The following FAM13B variants were observed in gnomAD, a reference collection of about 807,000 sequenced individuals.
The protein encoded by FAM13B is protein FAM13B.
In FAM13B, 60 loss-of-function variants were observed where a neutral mutation model predicts 117.3. That is an observed-to-expected ratio of 0.51 (90% CI 0.42 to 0.63). FAM13B has a LOEUF of 0.63. Ranked by LOEUF, FAM13B falls within the 30% of genes least tolerant of loss-of-function variation. The probability of loss-of-function intolerance (pLI) is 0.00; values close to 1 mark genes in which losing one functional copy is unlikely to be tolerated. For synonymous variants in FAM13B, 332 were observed against 356.1 expected (o/e 0.93, Z 0.76); for missense variants, 972 against 1,091.9 (o/e 0.89, Z 1.55).
chr5:137,971,297 A>G (rs976200720), intron 10 of FAM13B, among the ~76,000 whole-genome samples: 1 of 152,148 alleles, frequency 6.6e-6, no homozygotes, highest in African/African-American at 2.4e-5. Context: ...AGAACTCAGG[A>G]TTAAGAATCT....
intron 11 of FAM13B, 112 bp downstream of exon 11, chr5:137,962,293 T>C (rs1256581001): frequency 2.5e-6 from 2 of 806,738 alleles, no homozygotes; most frequent in Non-Finnish European, 4.0e-6. Context: ...CTGTTTAAGA[T>C]TATCTAAACT....
At chr5:137,946,938 TC>T (rs1763609414) in intron 18 of FAM13B, among the ~76,000 whole-genome samples, 1 of 152,194 alleles carries the variant, frequency 6.6e-6, no homozygotes, top group Non-Finnish European at 1.5e-5. Context: ...TACCTCCATT[TC>T]CCTTCATCTG....
chr5:137,953,533 G>T, intron 15 of FAM13B, 68 bp from the exon 16 acceptor site: 1 of 1,484,362 alleles, frequency 6.7e-7, no homozygotes, highest in Non-Finnish European at 9.3e-7. Context: ...TTATTGCCCT[G>T]ACATGGCACT....
rs565809696 is a variant in FAM13B, at chr5:137,990,235, C to T, written c.849-1920G>A. Among the ~76,000 whole-genome samples the T allele has an allele frequency of 2.6e-4, 40 of 152,094 alleles. 1 individual carries two copies. The highest frequency in any genetic ancestry group is 9.2e-4 in the African/African-American group (38 of 41,438). ...TAAACTTAGATAATTCCTTGCCTAT[C>T]GAGAAATATTCATTTTATTTTTAAT... On this transcript the variant is annotated intron_variant, in intron 7 of 23. Transcript: ENST00000689681.
intron 1 of FAM13B, among the ~76,000 whole-genome samples, chr5:138,040,318 C>A (rs1243710106): frequency 6.8e-6 from 1 of 146,706 alleles, no homozygotes; most frequent in East Asian, 2.0e-4. Context: ...GCCTGTAATC[C>A]CAGCACTTTG....
chr5:138,045,657 G>C (rs1791620327), intron 1 of FAM13B, among the ~76,000 whole-genome samples: 1 of 152,006 alleles, frequency 6.6e-6, no homozygotes, highest in East Asian at 1.9e-4. Flanking sequence ...CTTTTATAAA[G>C]TTCAAAATCA....
intron 10 of FAM13B, among the ~76,000 whole-genome samples, chr5:137,972,574 A>G (rs1772552525): frequency 6.6e-6 from 1 of 151,682 alleles, no homozygotes; most frequent in Non-Finnish European, 1.5e-5. Context: ...CTCTCTCACC[A>G]CTCCTATTCA....
At chr5:138,018,214 C>T (rs1785738665) in intron 4 of FAM13B, 88 bp downstream of exon 4, 1 of 1,064,132 alleles carries the variant, frequency 9.4e-7, no homozygotes, top group Non-Finnish European at 1.4e-6. Context: ...AAATACTATA[C>T]TTACTGTTTA....
intron 9 of FAM13B, among the ~76,000 whole-genome samples, chr5:137,986,341 TA>T (rs571344423): frequency 3.0e-4 from 44 of 147,208 alleles, no homozygotes; most frequent in Admixed American, 4.1e-4. Context: ...AAAACTGTCT[TA>T]AAAAAAAAAC....
Position 137,939,776 on chromosome 5 carries a change from C to T in FAM13B, c.*449G>A, listed in dbSNP as rs1761109270. ...AGTTGCGTATGTGCACTTTTATAGGCTTTTCTTTCAAATTTTCAGTCATTC... is the reference window on the plus strand; with the variant it reads ...AGTTGCGTATGTGCACTTTTATAGGTTTTTCTTTCAAATTTTCAGTCATTC... On this transcript the variant is annotated 3_prime_UTR_variant, in exon 24 of 24. Coordinates refer to ENST00000689681, the MANE Select transcript of FAM13B (RefSeq NM_001385994.1). 1.9e-5 allele frequency: 19 copies of T among 1,026,058 alleles called. No individual in the cohort carries two copies. Among genetic ancestry groups the T allele is most frequent in the East Asian group, 5.1e-5 (1 of 19,630 alleles). 63.6% of individuals were successfully genotyped at this position (1,026,058 alleles called of 1,614,324 possible).
upstream of FAM13B, among the ~76,000 whole-genome samples, chr5:138,037,457 C>T (rs962711941): frequency 6.6e-6 from 1 of 150,834 alleles, no homozygotes; most frequent in Non-Finnish European, 1.5e-5. Flanking sequence ...ATATCTGCCT[C>T]CCCAAGGTCA....
intron 20 of FAM13B, among the ~76,000 whole-genome samples, chr5:137,944,238 G>A (rs1477293927): frequency 6.6e-6 from 1 of 151,974 alleles, no homozygotes; most frequent in Non-Finnish European, 1.5e-5. Context: ...GAGTGTACGG[G>A]TTACCACATC....
chr5:138,035,257 C>G (rs576801306), upstream of FAM13B, among the ~76,000 whole-genome samples: 23 of 151,844 alleles, frequency 1.5e-4, 1 homozygote, highest in East Asian at 2.3e-3. Flanking sequence ...GTGATCCTCC[C>G]ACCTCAGCCT....
At chr5:137,971,482 A>G (rs1011204598) in intron 10 of FAM13B, among the ~76,000 whole-genome samples, 8 of 148,202 alleles carry the variant, frequency 5.4e-5, no homozygotes, top group African/African-American at 1.5e-4. Flanking sequence ...GGAAATTTAT[A>G]GCACTAAATG....
intron 7 of FAM13B, among the ~76,000 whole-genome samples, chr5:138,001,533 CAAGT>C (rs1781258299): frequency 6.6e-6 from 1 of 152,156 alleles, no homozygotes; most frequent in African/African-American, 2.4e-5. Context: ...ATTTATTCAA[CAAGT>C]AATACTTTAC....
intron 20 of FAM13B, 82 bp downstream of exon 20, chr5:137,945,820 C>T: frequency 1.0e-6 from 1 of 971,546 alleles, no homozygotes; most frequent in Non-Finnish European, 1.6e-6. Flanking sequence ...TGTATTTCTC[C>T]AATATACCAC....
At chr5:137,959,466 A>T (rs986688074) in intron 13 of FAM13B, 150 bp downstream of exon 13, 2 of 777,550 alleles carry the variant, frequency 2.6e-6, no homozygotes, top group African/African-American at 3.5e-5. Flanking sequence ...TTCACTAAAA[A>T]CACCCACTTG....
At chr5:137,977,228 TG>T (rs1774289563) in intron 10 of FAM13B, among the ~76,000 whole-genome samples, 1 of 152,168 alleles carries the variant, frequency 6.6e-6, no homozygotes, top group Non-Finnish European at 1.5e-5. Context: ...TCAGACCGGT[TG>T]CTCTCAAACC....
chr5:138,003,571 T>C (rs1004726075), intron 7 of FAM13B, among the ~76,000 whole-genome samples: 2 of 152,162 alleles, frequency 1.3e-5, no homozygotes, highest in East Asian at 3.8e-4. Flanking sequence ...CTGCCTAATA[T>C]CCCTACCCCA....
Sources: allele counts gnomAD v4.1 joint callset (sites outside exome capture counted in the v4.1 genomes callset), GRCh38; gene constraint gnomAD v4.1.1; transcripts MANE v1.5; gene names NCBI Gene and HGNC (gene_info 2026-07-23, HGNC 2026-07-21).